Variants in MAGI2 observed in about 807,000 individuals in gnomAD.
MAGI2 encodes the protein membrane associated guanylate kinase, WW and PDZ domain containing 2.
MAGI2 carries 35 observed loss-of-function variants against 133.3 expected under a neutral mutation model. The ratio of observed to expected loss-of-function variants is 0.26; its 90% CI spans 0.20 to 0.35. MAGI2 has a LOEUF of 0.35. Among genes scored for constraint, MAGI2 ranks in the 10% least tolerant of loss-of-function variants. The pLI, the probability that MAGI2 is intolerant of heterozygous loss-of-function variation, is 1.00. For missense variants in MAGI2, 1,636 were observed against 1,863.4 expected, an observed-to-expected ratio of 0.88 and a Z score of 2.25; for synonymous variants, 729 against 710.6, an observed-to-expected ratio of 1.03 and a Z score of -0.41.
At chr7:78,236,796 C>G (rs763142997) in intron 10 of MAGI2, among the ~76,000 whole-genome samples, 2 of 152,116 alleles carry the variant, frequency 1.3e-5, no homozygotes, top group Admixed American at 1.3e-4. Context: ...TAAAGACATA[C>G]CTGAGACTGG....
At chr7:78,954,338 T>C (rs752737642) in intron 2 of MAGI2, among the ~76,000 whole-genome samples, 2 of 152,108 alleles carry the variant, frequency 1.3e-5, no homozygotes, top group Non-Finnish European at 2.9e-5. Context: ...CTTTTTCTTT[T>C]TTTTTCCTCT....
intron 6 of MAGI2, among the ~76,000 whole-genome samples, chr7:78,483,516 C>A (rs183698910): frequency 6.6e-6 from 1 of 151,948 alleles, no homozygotes; most frequent in African/African-American, 2.4e-5. Context: ...ATCAACCAAT[C>A]AATAACAGAT....
At chr7:78,411,713 C>G (rs1211886970) in intron 6 of MAGI2, among the ~76,000 whole-genome samples, 1 of 151,956 alleles carries the variant, frequency 6.6e-6, no homozygotes, top group East Asian at 1.9e-4. Flanking sequence ...TAAATTAGAA[C>G]ATGGATAAGT....
At chr7:78,044,697 G>GTGTA (rs1554419069) in intron 21 of MAGI2, among the ~76,000 whole-genome samples, 2 of 112,336 alleles carry the variant, frequency 1.8e-5, no homozygotes, top group Non-Finnish European at 3.7e-5. Context: ...GTGTGTGTGT[G>GTGTA]TGTGTGTGCA....
intron 2 of MAGI2, among the ~76,000 whole-genome samples, chr7:78,712,948 T>C (rs948408051): frequency 1.3e-5 from 2 of 152,160 alleles, no homozygotes; most frequent in African/African-American, 4.8e-5. Flanking sequence ...TCTGTAGTAA[T>C]TGTACAGGCA....
At chr7:79,422,775 G>A (rs1264899203) in intron 1 of MAGI2, among the ~76,000 whole-genome samples, 1 of 151,868 alleles carries the variant, frequency 6.6e-6, no homozygotes, top group Non-Finnish European at 1.5e-5. Flanking sequence ...CCCGACTCTG[G>A]GAAGGTTCAG....
intron 4 of MAGI2, among the ~76,000 whole-genome samples, chr7:78,507,089 A>T (rs1795154992): frequency 6.6e-6 from 1 of 152,312 alleles, no homozygotes; most frequent in Admixed American, 6.5e-5. Context: ...AGTGTGTAAG[A>T]TACTTGACAA....
chr7:78,366,394 G>A (rs1026267055), intron 7 of MAGI2, among the ~76,000 whole-genome samples: 2 of 151,950 alleles, frequency 1.3e-5, no homozygotes, highest in Admixed American at 6.6e-5. Flanking sequence ...ATCTTTTATG[G>A]TAAGAAATTA....
At chr7:78,892,766 C>A (rs916112322) in intron 2 of MAGI2, among the ~76,000 whole-genome samples, 1 of 152,110 alleles carries the variant, frequency 6.6e-6, no homozygotes, top group African/African-American at 2.4e-5. Context: ...GACCCAAAAC[C>A]ATAAAAACCC....
At chr7:79,448,242 TTATTGA>T (rs1460141000) in intron 1 of MAGI2, among the ~76,000 whole-genome samples, 3 of 152,048 alleles carry the variant, frequency 2.0e-5, no homozygotes, top group African/African-American at 7.2e-5. Flanking sequence ...TCCATTGTAT[TTATTGA>T]TATTATTCTT....
rs115717337 is a variant in MAGI2 at position 78,688,678 on chromosome 7, C to T, written c.419-61439G>A. ...AGTGCGAGGTGGAAAGGAACATGAA[C>T]AATAAGCACTGGCTCCTTTGAAGTG... On this transcript the variant is annotated intron_variant, in intron 2 of 21. Transcript: ENST00000354212. 1.4e-3 allele frequency among the ~76,000 whole-genome samples: 219 copies of T among 152,254 alleles called. 2 individuals carry two copies. The highest frequency in any genetic ancestry group is 4.5e-3 in the African/African-American group (188 of 41,570).
Position 79,293,994 on chromosome 7 carries a change from C to T in MAGI2, c.301+159026G>A, listed in dbSNP as rs551052614. 2.6e-3 allele frequency among the ~76,000 whole-genome samples: 393 copies of T among 152,104 alleles called. 2 individuals are homozygous for T. Among genetic ancestry groups the T allele is most frequent in the Non-Finnish European group, 3.4e-3 (234 of 68,000 alleles). On this transcript the variant is annotated intron_variant, in intron 1 of 21. Transcript: ENST00000354212. ...AGCCAGCAGTTCGAGACTAGCCTGG[C>T]GAACATGGTGAAACCCCTTTTCTAC...
intron 3 of MAGI2, among the ~76,000 whole-genome samples, chr7:78,610,314 T>A (rs1199468664): frequency 7.9e-5 from 12 of 152,184 alleles, no homozygotes; most frequent in Non-Finnish European, 1.6e-4. Context: ...TGACTTGGTT[T>A]CTAGAGGCTG....
intron 1 of MAGI2, among the ~76,000 whole-genome samples, chr7:79,368,301 T>C (rs1448777831): frequency 3.9e-5 from 6 of 152,010 alleles, no homozygotes; most frequent in Non-Finnish European, 8.8e-5. Flanking sequence ...CTTTGTACTT[T>C]CCCTAGACAG....
intron 2 of MAGI2, among the ~76,000 whole-genome samples, chr7:78,967,345 A>G (rs1398492078): frequency 6.6e-6 from 1 of 151,998 alleles, no homozygotes; most frequent in African/African-American, 2.4e-5. Context: ...CATACTTTCA[A>G]TATTGACTCC....
chr7:78,401,874 C>T (rs1201389596), intron 6 of MAGI2, among the ~76,000 whole-genome samples: 1 of 151,990 alleles, frequency 6.6e-6, no homozygotes, highest in Non-Finnish European at 1.5e-5. Context: ...GCAGTTACAA[C>T]ATTCTATCCC....
At chr7:78,913,834 A>G (rs1436840188) in intron 2 of MAGI2, among the ~76,000 whole-genome samples, 2 of 152,172 alleles carry the variant, frequency 1.3e-5, no homozygotes. Flanking sequence ...ATGACAATTA[A>G]AAAGTGCAAT....
At chr7:78,346,888 C>T (rs1296396295) in intron 7 of MAGI2, among the ~76,000 whole-genome samples, 1 of 152,110 alleles carries the variant, frequency 6.6e-6, no homozygotes, top group Non-Finnish European at 1.5e-5. Flanking sequence ...GGCAGGCAAG[C>T]ATGAAGAGGA....
intron 1 of MAGI2, among the ~76,000 whole-genome samples, chr7:79,220,227 G>C (rs1438246881): frequency 6.6e-6 from 1 of 151,942 alleles, no homozygotes. Flanking sequence ...GGGGAAGCAG[G>C]GAGGTGGGTG....
Sources: gnomAD v4.1 joint callset for allele counts (sites outside exome capture counted in the v4.1 genomes callset) on GRCh38, gnomAD v4.1.1 for gene constraint, MANE v1.5 for transcripts, NCBI Gene and HGNC (gene_info 2026-07-23, HGNC 2026-07-21) for gene names.